Variants in GBP3 observed in about 807,000 individuals in gnomAD.
GBP3 encodes the protein guanylate-binding protein 3.
GBP3 carries 55 observed loss-of-function variants against 62.4 expected under a neutral mutation model. The observed-to-expected ratio is 0.88, with a 90% CI of 0.71 to 1.10. The LOEUF is 1.10. GBP3 is among the 50% of genes least tolerant of loss of function. GBP3 has a pLI of 0.00. For missense variants in GBP3, 605 were observed against 690.6 expected, an observed-to-expected ratio of 0.88 and a Z score of 1.39; for synonymous variants, 208 against 259.2, an observed-to-expected ratio of 0.80 and a Z score of 1.90.
At chr1:89,021,531 CA>C (rs1679207523) in intron 1 of GBP3, among the ~76,000 whole-genome samples, 4 of 141,810 alleles carry the variant, frequency 2.8e-5, no homozygotes, top group Non-Finnish European at 4.8e-5. Flanking sequence ...CACACACACA[CA>C]CACACACACA....
rs889102091 is a variant in GBP3 at position 89,013,977 on chromosome 1, G to C, written c.625+106C>G. 7.3e-6 allele frequency: 9 copies of C among 1,226,222 alleles called. No homozygotes were observed. The African/African-American group carries it at 1.4e-4, about 19-fold the overall frequency. 76.0% of individuals were successfully genotyped at this position (1,226,222 alleles called of 1,614,324 possible). On this transcript the variant is annotated intron_variant, in intron 5 of 10. Coordinates refer to ENST00000370481, the MANE Select transcript of GBP3 (RefSeq NM_018284.3). ...ATTAATTCTTAAGAATAGCAAGCTA[G>C]AGATATAGAAAACTGTAAATGTGAG... is the stretch of plus-strand genomic sequence containing the variant.
chr1:89,014,891 C>A (rs942188335), intron 3 of GBP3, among the ~76,000 whole-genome samples: 5 of 152,172 alleles, frequency 3.3e-5, no homozygotes, highest in African/African-American at 1.2e-4. Context: ...TGATCATTGG[C>A]AGACAATTGC....
chr1:89,016,591 T>G (rs558562661), intron 2 of GBP3, among the ~76,000 whole-genome samples: 1 of 152,168 alleles, frequency 6.6e-6, no homozygotes, highest in East Asian at 1.9e-4. Flanking sequence ...TACAAAATTT[T>G]TTTTTTTTGG....
At chr1:89,008,549 A>G (rs906361337) in intron 10 of GBP3, among the ~76,000 whole-genome samples, 2 of 149,758 alleles carry the variant, frequency 1.3e-5, no homozygotes, top group African/African-American at 4.9e-5. Flanking sequence ...AGTGATGAAG[A>G]TGGGTCAGAT....
At position 89,011,828 on chromosome 1, in the gene GBP3, C is replaced by A; in HGVS notation, c.1068G>T (p.Arg356Ser). ...ETLQELLDLH[R>S]VSEREATEVY... ...CTTCAGTGGCCTCCCTCTCACTAAC[C>A]CTGTGCAGGTCCAGCAGCTCCTGGA... Residue 356 changes from arginine to serine, a missense_variant, in exon 7 of 11, where the codon AGG becomes AGT. Physicochemically the swap from Arg to Ser is moderately radical, Grantham distance 110. Transcript: ENST00000370481. The A allele has an allele frequency of 6.8e-7, 1 of 1,462,086 alleles. No homozygotes were observed. Among genetic ancestry groups the A allele is most frequent in the Non-Finnish European group, 9.5e-7 (1 of 1,055,172 alleles). 90.6% of individuals were successfully genotyped at this position (1,462,086 alleles called of 1,614,324 possible). A position where few individuals can be genotyped will look rare whatever the true frequency, so the allele number is the denominator to read the frequency against.
At chr1:89,018,503 T>C (rs1049072606) in intron 2 of GBP3, among the ~76,000 whole-genome samples, 13 of 152,240 alleles carry the variant, frequency 8.5e-5, no homozygotes, top group Non-Finnish European at 1.8e-4. Context: ...GCTTCACGTC[T>C]TGTTTCTATG....
At chr1:89,021,804 A>AGAGG (rs1381248367) in intron 1 of GBP3, among the ~76,000 whole-genome samples, 2 of 146,540 alleles carry the variant, frequency 1.4e-5, no homozygotes, top group Non-Finnish European at 3.0e-5. Context: ...AGAGAGAGAG[A>AGAGG]GAGAGAGAGA....
intron 6 of GBP3, among the ~76,000 whole-genome samples, chr1:89,012,458 T>C (rs1678624086): frequency 7.2e-6 from 1 of 139,304 alleles, no homozygotes; most frequent in Non-Finnish European, 1.7e-5. Context: ...TGGTTTATTT[T>C]AGCACAGCAT....
chr1:89,010,943 C>T lies in GBP3; in HGVS notation c.1323G>A (p.Leu441=), dbSNP rs916303962. The T allele has an allele frequency of 3.4e-6, 5 of 1,461,454 alleles. 2 individuals carry two copies. In the South Asian group the frequency reaches 4.7e-5, roughly 14 times the overall value. The allele number at this position is 1,461,454 out of a possible 1,614,324, so 90.5% of individuals were successfully genotyped here. The change falls in exon 8 of 11, where the codon CTG becomes CTA. Residue 441 remains leucine, a synonymous_variant. Coordinates refer to ENST00000370481, the MANE Select transcript of GBP3 (RefSeq NM_018284.3). ...TTGGTTCCTCATAGTACTTTTTCTC[C>T]AGGTCTTGTAGCTTCTGAATAAAGA... is the stretch of plus-strand genomic sequence containing the variant. ...YCLFIQKLQD[L]EKKYYEEPRK...
Position 89,009,793 on chromosome 1 carries a change from G to A in GBP3, c.1363-299C>T, listed in dbSNP as rs565641551. ...GGTTCCATATGGGCTGAGCTGACTG[G>A]AGAATGAAGCCCTCCTTGAGAGAGC... On this transcript the variant is annotated intron_variant, in intron 8 of 10. Coordinates refer to ENST00000370481, the MANE Select transcript of GBP3 (RefSeq NM_018284.3). Among the ~76,000 whole-genome samples, 8 of 152,300 alleles carry A rather than the reference G, an allele frequency of 5.3e-5. No homozygotes were observed. The South Asian group carries it at 1.5e-3, about 28-fold the overall frequency.
chr1:89,022,276 C>A (rs963114985), intron 1 of GBP3, among the ~76,000 whole-genome samples: 5 of 152,140 alleles, frequency 3.3e-5, no homozygotes, highest in Non-Finnish European at 7.4e-5. Flanking sequence ...GTGAAAAGAA[C>A]CCATTTGTAG....
At chr1:89,013,164 A>G in intron 6 of GBP3, 21 bp downstream of exon 6, 1 of 1,606,572 alleles carries the variant, frequency 6.2e-7, no homozygotes, top group Middle Eastern at 1.7e-4. Context: ...AATGAGTGGA[A>G]GTACTACGAA....
rs1004748482 is a variant in GBP3, at chr1:89,008,932, G to C, written c.1659+15C>G. On this transcript the variant is annotated intron_variant, in intron 10 of 10. Transcript: ENST00000370481. Reference sequence around the variant, plus strand: ...AAAACAGAAAAACGAACCACAAGGTGATGCATTTGGATACCTGAAGTTTAC... The same window carrying C: ...AAAACAGAAAAACGAACCACAAGGTCATGCATTTGGATACCTGAAGTTTAC... 6.2e-7 allele frequency: 1 copy of C among 1,613,814 alleles called. No individual in the cohort carries two copies. Among genetic ancestry groups the C allele is most frequent in the Non-Finnish European group, 8.5e-7 (1 of 1,179,828 alleles).
intron 8 of GBP3, among the ~76,000 whole-genome samples, chr1:89,009,706 C>G (rs1458694132): frequency 6.6e-6 from 1 of 152,188 alleles, no homozygotes; most frequent in Non-Finnish European, 1.5e-5. Context: ...GAGGATGATA[C>G]AGATACTGGG....
intron 2 of GBP3, chr1:89,020,104 T>C (rs763003177): frequency 2.3e-5 from 6 of 264,640 alleles, no homozygotes; most frequent in Admixed American, 4.5e-5. Flanking sequence ...CTGGGTGTGG[T>C]GGCATGCATC....
At position 89,012,112 on chromosome 1, in the gene GBP3, C is replaced by T. The variant is rs530568813; in HGVS notation, c.869-85G>A. ...TAATTCTGAACATGTCAATTTCCAC[C>T]TATTTTCCTCACAGCATCAAGGTCC... On this transcript the variant is annotated intron_variant, in intron 6 of 10. Coordinates refer to ENST00000370481, the MANE Select transcript of GBP3 (RefSeq NM_018284.3). The T allele has an allele frequency of 2.8e-3, 3,464 of 1,248,720 alleles. 687 individuals carry two copies. The highest frequency in any genetic ancestry group is 3.6e-3 in the Middle Eastern group (17 of 4,748). 77.4% of individuals were successfully genotyped at this position (1,248,720 alleles called of 1,614,324 possible).
intron 9 of GBP3, 112 bp from the exon 10 acceptor site, chr1:89,009,252 C>T: frequency 7.3e-7 from 1 of 1,369,894 alleles, no homozygotes; most frequent in Non-Finnish European, 1.0e-6. Flanking sequence ...CAGAGATGAC[C>T]TCAACAAGTA....
chr1:89,014,092 G>T lies in GBP3; in HGVS notation c.616C>A (p.Leu206Ile). 1 of 1,614,114 alleles carries T rather than the reference G, an allele frequency of 6.2e-7. No homozygotes were observed. Among genetic ancestry groups the T allele is most frequent in the Non-Finnish European group, 8.5e-7 (1 of 1,179,980 alleles). The change falls in exon 5 of 11, where the codon CTA becomes ATA. Residue 206 changes from leucine (L) to isoleucine (I), a missense_variant. Leu to Ile is a conservative substitution (Grantham distance 5, BLOSUM62 2). This residue lies in a region of GBP3 where 308 missense variants were observed against 318.0 expected (regional missense o/e 0.97). Coordinates refer to ENST00000370481, the MANE Select transcript of GBP3 (RefSeq NM_018284.3). ...GGTACGTCTCTGTTACCTTGCGTTA[G>T]CTTCAGGGAATACTCCAGGTACTCA... ...PDEYLEYSLK[L>I]TQGTSQKDKN...
intron 8 of GBP3, 126 bp downstream of exon 8, chr1:89,010,778 T>C (rs1678513556): frequency 8.1e-7 from 1 of 1,239,088 alleles, no homozygotes; most frequent in East Asian, 2.4e-5. Context: ...GCATATGTTA[T>C]TGAATGAAAG....
Sources: allele counts gnomAD v4.1 joint callset (sites outside exome capture counted in the v4.1 genomes callset), GRCh38; gene constraint gnomAD v4.1.1; regional missense constraint gnomAD v4.1.1; transcripts MANE v1.5; gene names NCBI Gene and HGNC (gene_info 2026-07-23, HGNC 2026-07-21).